The following TTLL6 variants were observed in gnomAD, a reference collection of about 807,000 sequenced individuals.
The protein encoded by TTLL6 is tubulin tyrosine ligase like 6, also known as tubulin polyglutamylase TTLL6.
In TTLL6, 75 loss-of-function variants were observed where a neutral mutation model predicts 96.4. The observed-to-expected ratio is 0.78, with a 90% CI of 0.65 to 0.94. TTLL6 has a LOEUF of 0.94. Ranked by LOEUF, TTLL6 falls within the 40% of genes least tolerant of loss-of-function variation. TTLL6 has a pLI of 0.00. For missense variants in TTLL6, 1,030 were observed against 1,093.0 expected, an observed-to-expected ratio of 0.94 and a Z score of 0.81; for synonymous variants, 411 against 419.4, an observed-to-expected ratio of 0.98 and a Z score of 0.24.
intron 13 of TTLL6, among the ~76,000 whole-genome samples, chr17:48,776,627 T>C (rs568357986): frequency 1.3e-5 from 2 of 152,334 alleles, no homozygotes; most frequent in East Asian, 1.9e-4. Flanking sequence ...AATGTCTACA[T>C]TGAAAACTAT....
intron 13 of TTLL6, among the ~76,000 whole-genome samples, chr17:48,782,995 G>A (rs2039017731): frequency 6.6e-6 from 1 of 152,172 alleles, no homozygotes; most frequent in Non-Finnish European, 1.5e-5. Flanking sequence ...TTACAGGTGT[G>A]AGCCACTGCA....
At chr17:48,811,131 T>G (rs1209675166) in intron 1 of TTLL6, among the ~76,000 whole-genome samples, 1 of 148,774 alleles carries the variant, frequency 6.7e-6, no homozygotes, top group African/African-American at 2.5e-5. Flanking sequence ...TGCAGTGGCA[T>G]GATTTCGGCT....
intron 13 of TTLL6, among the ~76,000 whole-genome samples, chr17:48,774,138 C>G (rs1239269174): frequency 7.2e-6 from 1 of 139,820 alleles, no homozygotes; most frequent in Non-Finnish European, 1.5e-5. Context: ...AAATCCAAAG[C>G]AAGCAGAAGG....
intron 13 of TTLL6, among the ~76,000 whole-genome samples, chr17:48,782,609 A>C (rs2039011162): frequency 6.6e-6 from 1 of 152,340 alleles, no homozygotes; most frequent in East Asian, 1.9e-4. Context: ...CCAAGAAATT[A>C]TGAAGCTGCA....
chr17:48,804,412 C>T (rs1031090662), intron 2 of TTLL6: 15 of 493,662 alleles, frequency 3.0e-5, no homozygotes, highest in African/African-American at 2.3e-4. Context: ...CAGTTGGATC[C>T]TGATAAGTCA....
At chr17:48,796,023 G>C in intron 8 of TTLL6, 38 bp downstream of exon 8, 1 of 1,499,206 alleles carries the variant, frequency 6.7e-7, no homozygotes. Context: ...TTCTGAGGTT[G>C]GTAGGGAAAG....
chr17:48,766,931 GTTGTT>G (rs10606369), intron 15 of TTLL6, among the ~76,000 whole-genome samples: 133,416 of 151,028 alleles, frequency 0.88, 59,255 homozygotes, highest in Non-Finnish European at 0.93. Context: ...TTTTGTTGTT[GTTGTT>G]TTGTTTTGTT....
chr17:48,796,936 C>T lies in TTLL6; in HGVS notation c.912+125G>A, dbSNP rs575715305. On this transcript the variant is annotated intron_variant, in intron 7 of 15. Transcript: ENST00000393382. Reference sequence around the variant, plus strand: ...GATCCTGGCAGCGCTAAATGAAACCCGGCACATAGCAAGTGCTCAACAAAT... The same window carrying T: ...GATCCTGGCAGCGCTAAATGAAACCTGGCACATAGCAAGTGCTCAACAAAT... 2.6e-5 allele frequency: 29 copies of T among 1,136,422 alleles called. No individual in the cohort carries two copies. In the Admixed American group the frequency reaches 3.2e-4, roughly 12 times the overall value. The allele number at this position is 1,136,422 out of a possible 1,614,324, so 70.4% of individuals were successfully genotyped here.
Position 48,791,405 on chromosome 17 carries a change from G to C in TTLL6, c.1197C>G (p.Asp399Glu), listed in dbSNP as rs1393582774. Reference protein sequence around the residue: ...FEILGFDILLDHKLKPWLLEV... With the variant: ...FEILGFDILLEHKLKPWLLEV... ...CCAGCAGCCAGGGTTTGAGTTTGTG[G>C]TCCAACAAAATGTCAAAGCCCAGGA... Residue 399 changes from aspartate (D) to glutamate (E), a missense_variant, in exon 9 of 16, where the codon GAC (aspartate) becomes GAG (glutamate). Transcript: ENST00000393382. 1 of 1,614,146 alleles carries C rather than the reference G, an allele frequency of 6.2e-7. No homozygotes were observed. Among genetic ancestry groups the C allele is most frequent in the Non-Finnish European group, 8.5e-7 (1 of 1,180,030 alleles).
intron 4 of TTLL6, 23 bp from the exon 5 acceptor site, chr17:48,801,408 T>C (rs748522303): frequency 2.8e-5 from 43 of 1,551,460 alleles, no homozygotes; most frequent in Non-Finnish European, 3.7e-5. Context: ...CCGGAATTCA[T>C]GAGCAATCGA....
intron 8 of TTLL6, 87 bp from the exon 9 acceptor site, chr17:48,791,690 C>T (rs753509143): frequency 3.8e-5 from 44 of 1,166,014 alleles, no homozygotes; most frequent in East Asian, 2.1e-4. Context: ...AAACTCCTGG[C>T]GGAGACAAGG....
chr17:48,775,770 A>G (rs1363656087), intron 13 of TTLL6, among the ~76,000 whole-genome samples: 1 of 151,900 alleles, frequency 6.6e-6, no homozygotes, highest in Non-Finnish European at 1.5e-5. Flanking sequence ...CGACCTCCCA[A>G]CCTCAGGTGA....
chr17:48,767,124 C>G (rs1456881369), intron 15 of TTLL6, among the ~76,000 whole-genome samples: 1 of 152,040 alleles, frequency 6.6e-6, no homozygotes, highest in Non-Finnish European at 1.5e-5. Context: ...AGGCTGTTCT[C>G]AAACTCCTGA....
In TTLL6 at chr17:48,800,453, G is replaced by C. The variant is rs150401534; in HGVS notation, c.612-693C>G. 3.9e-5 allele frequency among the ~76,000 whole-genome samples: 6 copies of C among 152,326 alleles called. No homozygotes were observed. In the East Asian group the frequency reaches 9.6e-4, roughly 24 times the overall value. On this transcript the variant is annotated intron_variant, in intron 5 of 15. Transcript: ENST00000393382. ...AACCAGGAAGTCACTTAACTGCAAT[G>C]TTCCTCAGTAACCATGAAATCTGGA...
chr17:48,803,968 C>T, intron 2 of TTLL6, 40 bp from the exon 3 acceptor site: 1 of 1,548,604 alleles, frequency 6.5e-7, no homozygotes, highest in Non-Finnish European at 8.7e-7. Context: ...AAGACAGAGA[C>T]ACACTTGCCA....
At chr17:48,795,652 G>A (rs946526946) in intron 8 of TTLL6, among the ~76,000 whole-genome samples, 1 of 152,180 alleles carries the variant, frequency 6.6e-6, no homozygotes, top group African/African-American at 2.4e-5. Flanking sequence ...ATCTCTAATG[G>A]AGCAACGTCC....
In TTLL6 at chr17:48,797,050, C is replaced by T; in HGVS notation, c.912+11G>A. 1 of 1,549,782 alleles carries T rather than the reference C, an allele frequency of 6.5e-7. No homozygotes were observed. On this transcript the variant is annotated intron_variant, in intron 7 of 15. Transcript: ENST00000393382. ...GGGGGTAGGGTGAGGTAGTGTGTCT[C>T]CTTAGCTCACCAGGTTGTCTGTGCA...
At chr17:48,778,547 G>T (rs1189960892) in intron 13 of TTLL6, among the ~76,000 whole-genome samples, 1 of 151,566 alleles carries the variant, frequency 6.6e-6, no homozygotes, top group African/African-American at 2.4e-5. Flanking sequence ...TGTAATCCCA[G>T]CACATTGGGA....
intron 13 of TTLL6, among the ~76,000 whole-genome samples, chr17:48,780,954 A>T (rs2038973383): frequency 1.3e-5 from 2 of 152,044 alleles, no homozygotes; most frequent in Non-Finnish European, 2.9e-5. Context: ...TGCAATGAAC[A>T]TGGGTGTGCA....
Sources: gnomAD v4.1 joint callset for allele counts (sites outside exome capture counted in the v4.1 genomes callset) on GRCh38, gnomAD v4.1.1 for gene constraint, MANE v1.5 for transcripts, NCBI Gene and HGNC (gene_info 2026-07-23, HGNC 2026-07-21) for gene names.